The following OPCML variants were observed in gnomAD, a reference collection of about 807,000 sequenced individuals.
OPCML encodes opioid-binding protein/cell adhesion molecule.
In OPCML, 13 loss-of-function variants were observed where a neutral mutation model predicts 37.8. That is an observed-to-expected ratio of 0.34 (90% CI 0.22 to 0.55). The LOEUF (loss-of-function observed/expected upper bound fraction) is 0.55, where lower values mean the gene tolerates loss of function less well. OPCML is among the 20% of genes least tolerant of loss of function. The pLI, the probability that OPCML is intolerant of heterozygous loss-of-function variation, is 0.91. For synonymous variants in OPCML, 176 were observed against 168.8 expected (o/e 1.04, Z -0.33); for missense variants, 341 against 435.6 (o/e 0.78, Z 1.93).
intron 2 of OPCML, among the ~76,000 whole-genome samples, chr11:132,746,865 T>C (rs953258512): frequency 2.6e-5 from 4 of 152,074 alleles, no homozygotes; most frequent in Admixed American, 2.6e-4. Flanking sequence ...TCAAGCCCTG[T>C]GGTAAGAGCA....
intron 3 of OPCML, among the ~76,000 whole-genome samples, chr11:132,554,592 C>T (rs543835048): frequency 2.6e-5 from 4 of 152,310 alleles, no homozygotes; most frequent in African/African-American, 9.6e-5. Context: ...CTCAGCTCTG[C>T]AGGTACCACC....
intron 1 of OPCML, chr11:133,423,224 T>C (rs1475109607): frequency 1.0e-6 from 1 of 985,334 alleles, no homozygotes; most frequent in African/African-American, 1.7e-5. Context: ...ATCATTTTAA[T>C]TGCCTCATTC....
chr11:132,542,279 T>C (rs2137376295), intron 3 of OPCML, among the ~76,000 whole-genome samples: 1 of 152,314 alleles, frequency 6.6e-6, no homozygotes, highest in East Asian at 1.9e-4. Context: ...TAGGATTTCA[T>C]GCCCCTCCTT....
At chr11:133,079,362 CA>C (rs1565435805) in intron 1 of OPCML, among the ~76,000 whole-genome samples, 1 of 152,160 alleles carries the variant, frequency 6.6e-6, no homozygotes, top group Non-Finnish European at 1.5e-5. Context: ...AGGAATGTCA[CA>C]GGGGGACCCA....
At chr11:132,464,349 C>T (rs568337933) in intron 4 of OPCML, among the ~76,000 whole-genome samples, 1 of 152,320 alleles carries the variant, frequency 6.6e-6, no homozygotes, top group South Asian at 2.1e-4. Flanking sequence ...CACCACGTGA[C>T]ATTATACTGT....
At chr11:132,958,370 A>C (rs1946014171) in intron 1 of OPCML, among the ~76,000 whole-genome samples, 1 of 152,236 alleles carries the variant, frequency 6.6e-6, no homozygotes, top group African/African-American at 2.4e-5. Context: ...GGTTTAAGGA[A>C]AGAAACCATT....
intron 4 of OPCML, among the ~76,000 whole-genome samples, chr11:132,495,754 G>T (rs868261542): frequency 2.0e-5 from 3 of 152,092 alleles, no homozygotes. Flanking sequence ...AATTAGCTGG[G>T]TGTAGTGGCG....
chr11:133,382,756 C>T (rs76310234), intron 1 of OPCML, among the ~76,000 whole-genome samples: 1 of 152,140 alleles, frequency 6.6e-6, no homozygotes. Context: ...TCCCACCGAT[C>T]GATGTTCTGT....
chr11:133,336,396 C>A (rs1943744603), intron 1 of OPCML, among the ~76,000 whole-genome samples: 1 of 151,960 alleles, frequency 6.6e-6, no homozygotes, highest in African/African-American at 2.4e-5. Flanking sequence ...GTAGTAGGAT[C>A]TAGTGGCTAA....
intron 2 of OPCML, among the ~76,000 whole-genome samples, chr11:132,828,890 T>C (rs1218036797): frequency 1.3e-5 from 2 of 152,202 alleles, no homozygotes; most frequent in East Asian, 1.9e-4. Context: ...GGCTGGACAC[T>C]GTGGCAGATG....
At position 132,894,088 on chromosome 11, in the gene OPCML, T is replaced by G. The variant is rs992896941; in HGVS notation, c.146+48838A>C. Among the ~76,000 whole-genome samples, 7 of 152,328 alleles carry G rather than the reference T, an allele frequency of 4.6e-5. No individual in the cohort carries two copies. In the East Asian group the frequency reaches 1.4e-3, roughly 29 times the overall value. The stretch of plus-strand genomic sequence containing the variant: ...GATTTCTTGTAAGAATTATAATGTT[T>G]GCCTCTACTTTTCTACCTCCCATTC... On this transcript the variant is annotated intron_variant, in intron 2 of 7. Coordinates refer to ENST00000524381, the MANE Select transcript of OPCML (RefSeq NM_001012393.5).
intron 2 of OPCML, among the ~76,000 whole-genome samples, chr11:132,907,200 C>A (rs1178452438): frequency 2.0e-5 from 3 of 152,208 alleles, no homozygotes; most frequent in Non-Finnish European, 4.4e-5. Context: ...TATGAACCCT[C>A]CACATTTTCT....
intron 1 of OPCML, among the ~76,000 whole-genome samples, chr11:133,143,498 A>G (rs1949855011): frequency 6.6e-6 from 1 of 151,842 alleles, no homozygotes; most frequent in Admixed American, 6.6e-5. Context: ...CTCCTTGCAG[A>G]CCCACATAGT....
At chr11:132,760,425 G>A (rs1197722629) in intron 2 of OPCML, among the ~76,000 whole-genome samples, 2 of 152,090 alleles carry the variant, frequency 1.3e-5, no homozygotes, top group East Asian at 1.9e-4. Flanking sequence ...CTTATTGTGT[G>A]GGAGTCTGAG....
intron 1 of OPCML, chr11:133,298,686 T>C (rs1344525880): frequency 6.6e-6 from 1 of 152,180 alleles, no homozygotes; most frequent in African/African-American, 2.4e-5. Context: ...CATGGACAAA[T>C]GGTTGATTCC....
intron 4 of OPCML, among the ~76,000 whole-genome samples, chr11:132,487,618 A>G (rs928131567): frequency 6.6e-6 from 1 of 152,102 alleles, no homozygotes; most frequent in Non-Finnish European, 1.5e-5. Context: ...CTTTGCTACT[A>G]TGAATGACAC....
At chr11:133,515,584 T>G (rs1948249629) in intron 1 of OPCML, among the ~76,000 whole-genome samples, 1 of 152,044 alleles carries the variant, frequency 6.6e-6, no homozygotes, top group South Asian at 2.1e-4. Context: ...GGAACAGTAC[T>G]GAAGGGTGGA....
chr11:132,873,640 T>C (rs1337967965), intron 2 of OPCML, among the ~76,000 whole-genome samples: 2 of 146,380 alleles, frequency 1.4e-5, no homozygotes, highest in African/African-American at 5.1e-5. Flanking sequence ...ATAAAGCTAA[T>C]ATGAAGAAAG....
At chr11:133,207,575 G>A (rs765070532) in intron 1 of OPCML, among the ~76,000 whole-genome samples, 2 of 152,092 alleles carry the variant, frequency 1.3e-5, no homozygotes, top group Non-Finnish European at 2.9e-5. Flanking sequence ...TCTGTGAAAC[G>A]GCGGCGGTTG....
Sources: allele counts gnomAD v4.1 joint callset (sites outside exome capture counted in the v4.1 genomes callset), GRCh38; gene constraint gnomAD v4.1.1; transcripts MANE v1.5; gene names NCBI Gene and HGNC (gene_info 2026-07-23, HGNC 2026-07-21).